Variants in FAM131A observed in about 807,000 individuals in gnomAD.
The protein encoded by FAM131A is protein FAM131A.
Under a neutral mutation model 39.2 loss-of-function variants are expected in FAM131A, and 24 were observed. The observed-to-expected ratio is 0.61, with a 90% confidence interval of 0.44 to 0.86. FAM131A has a LOEUF of 0.86. FAM131A is among the 40% of genes least tolerant of loss of function. The pLI, the probability that FAM131A is intolerant of heterozygous loss-of-function variation, is 0.00. For missense variants in FAM131A, 373 were observed against 481.2 expected (o/e 0.78, Z 2.10); for synonymous variants, 202 against 206.8 (o/e 0.98, Z 0.20).
In FAM131A at chr3:184,345,530, C is replaced by T. The variant is rs754798192; in HGVS notation, c.*560C>T. 1 of 703,126 alleles carries T rather than the reference C, an allele frequency of 1.4e-6. No individual in the cohort carries two copies. Among genetic ancestry groups the T allele is most frequent in the South Asian group, 1.5e-5 (1 of 67,600 alleles). 43.6% of individuals were successfully genotyped at this position (703,126 alleles called of 1,614,324 possible). A position where few individuals can be genotyped will look rare whatever the true frequency, so the allele number is the denominator to read the frequency against. On this transcript the variant is annotated 3_prime_UTR_variant, in exon 6 of 6. Coordinates refer to ENST00000383847, the MANE Select transcript of FAM131A (RefSeq NM_144635.5). ...TGGGCTCGTGCTGTGCTTCATTCAC[C>T]TCTCCATCGTCTCTAAATCTTCCTC...
chr3:184,340,415 G>A (rs1727322684), intron 2 of FAM131A: 1 of 141,474 alleles, frequency 7.1e-6, no homozygotes, highest in Non-Finnish European at 1.5e-5. Context: ...CCGCCTCCCG[G>A]GTCCTGGTTC....
rs1255741721 is a variant in FAM131A, at chr3:184,345,832, G to C, written c.*862G>C. 1.9e-6 allele frequency: 1 copy of C among 524,426 alleles called. No homozygotes were observed. The highest frequency in any genetic ancestry group is 3.3e-5 in the East Asian group (1 of 30,596). The allele number at this position is 524,426 out of a possible 1,614,324, so 32.5% of individuals were successfully genotyped here. On this transcript the variant is annotated 3_prime_UTR_variant, in exon 6 of 6. Coordinates refer to ENST00000383847, the MANE Select transcript of FAM131A (RefSeq NM_144635.5). Reference sequence around the variant, plus strand: ...AGCTGGGACTTCATGTTCTTCTAGAGAGGGCCACAAGAGGGCCACAGGGGT... The same window carrying C: ...AGCTGGGACTTCATGTTCTTCTAGACAGGGCCACAAGAGGGCCACAGGGGT...
At chr3:184,340,180 G>T (rs1472032849) in intron 2 of FAM131A, 2 of 151,582 alleles carry the variant, frequency 1.3e-5, no homozygotes, top group Non-Finnish European at 2.9e-5. Flanking sequence ...ATTTTTAGTG[G>T]AGATGGGGTT....
Position 184,344,939 on chromosome 3 carries a change from A to G in FAM131A, c.1070A>G (p.Asp357Gly), listed in dbSNP as rs1243814358. ...DLASSGVVSLDEDEAEPEEQ is the reference protein window; with the variant it reads ...DLASSGVVSLGEDEAEPEEQ Reference sequence around the variant, plus strand: ...GCCTCTTCTGGGGTGGTGTCCTTAGATGAGGATGAGGCAGAGCCAGAGGAA... The same window carrying G: ...GCCTCTTCTGGGGTGGTGTCCTTAGGTGAGGATGAGGCAGAGCCAGAGGAA... The change falls in exon 6 of 6, where the codon GAT becomes GGT. Residue 357 changes from aspartate to glycine, a missense_variant. Physicochemically the swap from Asp to Gly is moderately conservative, Grantham distance 94 (BLOSUM62 -1). Transcript: ENST00000383847. 1.1e-5 allele frequency: 17 copies of G among 1,592,638 alleles called. No homozygotes were observed. Among genetic ancestry groups the G allele is most frequent in the Non-Finnish European group, 1.4e-5 (16 of 1,174,018 alleles).
Position 184,338,495 on chromosome 3 carries a change from G to A in FAM131A, c.197G>A (p.Arg66His). 3 of 1,536,348 alleles carry A rather than the reference G, an allele frequency of 2.0e-6. No individual in the cohort carries two copies. The highest frequency in any genetic ancestry group is 2.4e-5 in the South Asian group (2 of 83,958). ...CTCCGAGGCTGGAGCAGGTCCTCCC[G>A]CCCTTCCTCGGTGGACAGTCAGGAC... is the stretch of plus-strand genomic sequence containing the variant. ...RTLRGWSRSS[R>H]PSSVDSQDLP... is the part of the protein sequence containing the mutation. The change falls in exon 2 of 6, where the codon CGC becomes CAC. Residue 66 changes from arginine (R) to histidine (H), a missense_variant. Transcript: ENST00000383847.
chr3:184,341,631 G>C, intron 2 of FAM131A, 93 bp from the exon 3 acceptor site: 6 of 1,006,048 alleles, frequency 6.0e-6, no homozygotes, highest in South Asian at 5.5e-5. Context: ...CCTAGCTCCT[G>C]TCTCCTCCTC....
Position 184,342,980 on chromosome 3 carries a change from T to G in FAM131A, c.625+120T>G. ...AGGGGAGGGAGAGGGACAGACTCAG[T>G]CCAGGCAGGCCTGGACACTCCAGGG... On this transcript the variant is annotated intron_variant, in intron 5 of 5. Transcript: ENST00000383847. This position sits in a 1 kb window ranked among gnomAD's most constrained non-coding sequence, Gnocchi z 4.6. The G allele has an allele frequency of 2.3e-6, 2 of 853,542 alleles. No homozygotes were observed. The highest frequency in any genetic ancestry group is 3.8e-6 in the Non-Finnish European group (2 of 519,868). 52.9% of individuals were successfully genotyped at this position (853,542 alleles called of 1,614,324 possible).
Position 184,342,795 on chromosome 3 carries a change from C to T in FAM131A, c.560C>T (p.Ser187Leu), listed in dbSNP as rs1341117106. The T allele has an allele frequency of 1.9e-6, 3 of 1,613,974 alleles. No individual in the cohort carries two copies. The highest frequency in any genetic ancestry group is 1.7e-5 in the Admixed American group (1 of 60,030). ...GAAGCCAAGCTCCGAGCATGGTCTT[C>T]GGTGGATGGCGAGGACTCCACTGAT... ...IAEAKLRAWS[S>L]VDGEDSTDDS... is the part of the protein sequence containing the mutation. The change falls in exon 5 of 6, where the codon TCG becomes TTG. Residue 187 changes from serine (S) to leucine (L), a missense_variant. Coordinates refer to ENST00000383847, the MANE Select transcript of FAM131A (RefSeq NM_144635.5). The surrounding 1 kb of genome is among the most constrained non-coding windows in gnomAD (Gnocchi z 4.6).
intron 2 of FAM131A, chr3:184,339,046 G>A (rs1264491889): frequency 6.4e-6 from 1 of 155,142 alleles, no homozygotes; most frequent in African/African-American, 2.4e-5. Context: ...CCCTTGTGAG[G>A]GACGGGAACG....
chr3:184,344,845 A>C lies in FAM131A; in HGVS notation c.976A>C (p.Lys326Gln). The part of the protein sequence containing the change: ...SPAEEEPAPC[K>Q]DCQPLCPPLT... ...CGCGGAGGAGGAGCCAGCCCCCTGC[A>C]AGGACTGCCAGCCACTCTGCCCACC... The change falls in exon 6 of 6, where the codon AAG becomes CAG. Residue 326 changes from lysine to glutamine, a missense_variant. Around this residue, in one of 2 missense-constraint regions of FAM131A, gnomAD observed 152 missense variants for 133.5 expected, o/e 1.14. Coordinates refer to ENST00000383847, the MANE Select transcript of FAM131A (RefSeq NM_144635.5). 1 of 1,611,068 alleles carries C rather than the reference A, an allele frequency of 6.2e-7. No homozygotes were observed. Among genetic ancestry groups the C allele is most frequent in the African/African-American group, 1.3e-5 (1 of 75,050 alleles).
rs1560243221 is a variant in FAM131A, at chr3:184,342,725, C to T, written c.509-19C>T. On this transcript the variant is annotated intron_variant, in intron 4 of 5. Coordinates refer to ENST00000383847, the MANE Select transcript of FAM131A (RefSeq NM_144635.5). This position sits in a 1 kb window ranked among gnomAD's most constrained non-coding sequence, Gnocchi z 4.6. ...ACTTAGCTCACCTTCTCTGCTTATG[C>T]ATTCTGTCCCTGCGACAGGAGTGGC... 6.2e-7 allele frequency: 1 copy of T among 1,603,558 alleles called. No individual in the cohort carries two copies. The highest frequency in any genetic ancestry group is 8.5e-7 in the Non-Finnish European group (1 of 1,171,600).
chr3:184,344,594 G>A lies in FAM131A; in HGVS notation c.725G>A (p.Ser242Asn), dbSNP rs963455554. The A allele has an allele frequency of 6.8e-6, 11 of 1,612,278 alleles. No individual in the cohort carries two copies. The highest frequency in any genetic ancestry group is 5.9e-6 in the Non-Finnish European group (7 of 1,179,362). The change falls in exon 6 of 6, where the codon AGC (serine) becomes AAC (asparagine). Residue 242 changes from serine to asparagine, a missense_variant. Around this residue, in one of 2 missense-constraint regions of FAM131A, gnomAD observed 221 missense variants for 347.7 expected, o/e 0.64. Coordinates refer to ENST00000383847, the MANE Select transcript of FAM131A (RefSeq NM_144635.5). ...PVRQGSVEPE[S>N]DCSQTVSPDT... is the part of the protein sequence containing the mutation. ...CGCCAGGGCTCCGTGGAGCCTGAGA[G>A]CGACTGCTCACAGACCGTGTCCCCA...
Position 184,346,179 on chromosome 3 carries a change from C to T in FAM131A, c.*1209C>T, listed in dbSNP as rs1404687869. On this transcript the variant is annotated 3_prime_UTR_variant, in exon 6 of 6. Coordinates refer to ENST00000383847, the MANE Select transcript of FAM131A (RefSeq NM_144635.5). This position sits in a 1 kb window ranked among gnomAD's most constrained non-coding sequence, Gnocchi z 6.0. ...AGGTAAGAACGAGAGCCAACGGGCA[C>T]AAGCATTCTATATATAAGTGGCTCA... The T allele has an allele frequency of 5.0e-6, 1 of 198,530 alleles. No individual in the cohort carries two copies. The highest frequency in any genetic ancestry group is 1.2e-4 in the East Asian group (1 of 8,368). 12.3% of individuals were successfully genotyped at this position (198,530 alleles called of 1,614,324 possible).
rs1370645504 is a variant in FAM131A at position 184,338,418 on chromosome 3, G to T, written c.120G>T (p.Trp40Cys). Residue 40 changes from tryptophan (W) to cysteine (C), a missense_variant, in exon 2 of 6, where the codon TGG becomes TGT. Transcript: ENST00000383847. Reference sequence around the variant, plus strand: ...CGGACCCCGCTTGGGCTGTGGAGTGGATCGAACTTCCTCGGGGTCTCTCTC... The same window carrying T: ...CGGACCCCGCTTGGGCTGTGGAGTGTATCGAACTTCCTCGGGGTCTCTCTC... ...VSSDPAWAVEWIELPRGLSLS... is the reference protein window; with the variant it reads ...VSSDPAWAVECIELPRGLSLS... The T allele has an allele frequency of 8.8e-6, 13 of 1,485,118 alleles. No homozygotes were observed. The highest frequency in any genetic ancestry group is 1.4e-5 in the African/African-American group (1 of 70,876). 92.0% of individuals were successfully genotyped at this position (1,485,118 alleles called of 1,614,324 possible). A position where few individuals can be genotyped will look rare whatever the true frequency, so the allele number is the denominator to read the frequency against.
chr3:184,344,267 G>A (rs1727509962), intron 5 of FAM131A, among the ~76,000 whole-genome samples: 2 of 152,194 alleles, frequency 1.3e-5, no homozygotes, highest in South Asian at 2.1e-4. Flanking sequence ...TTACAGGCGT[G>A]AGCCACCGCA....
At chr3:184,337,391 G>C (rs1727167820), upstream of FAM131A, 3 of 509,504 alleles carry the variant, frequency 5.9e-6, no homozygotes, top group South Asian at 8.0e-5. Context: ...GATGTACATT[G>C]CCTGTTGGCA....
At position 184,345,920 on chromosome 3, in the gene FAM131A, T is replaced by G. The variant is rs891502365; in HGVS notation, c.*950T>G. 2.8e-6 allele frequency: 1 copy of G among 355,142 alleles called. No individual in the cohort carries two copies. Among genetic ancestry groups the G allele is most frequent in the African/African-American group, 2.1e-5 (1 of 46,922 alleles). 22.0% of individuals were successfully genotyped at this position (355,142 alleles called of 1,614,324 possible). A position where few individuals can be genotyped will look rare whatever the true frequency, so the allele number is the denominator to read the frequency against. On this transcript the variant is annotated 3_prime_UTR_variant, in exon 6 of 6. Coordinates refer to ENST00000383847, the MANE Select transcript of FAM131A (RefSeq NM_144635.5). ...GAATTGTGCCAGTGAGTGACAGTCA[T>G]GAGGGAGTGTCTCTTCTTGGGGAGG...
chr3:184,343,145 C>T (rs1444653733), intron 5 of FAM131A: 2 of 226,606 alleles, frequency 8.8e-6, no homozygotes, highest in Non-Finnish European at 1.7e-5. Context: ...AAAAAAAAAG[C>T]CGAAAGACCT....
At position 184,338,671 on chromosome 3, in the gene FAM131A, C is replaced by G. The variant is rs1057437992; in HGVS notation, c.231+142C>G. On this transcript the variant is annotated intron_variant, in intron 2 of 5. Transcript: ENST00000383847. ...GCTATCCGGCGGCGGGCCGGGAGGC[C>G]GCCCCCGTGCCGGTCTGCTCTGCTC... The G allele has an allele frequency of 3.6e-6, 4 of 1,107,250 alleles. No homozygotes were observed. The African/African-American group carries it at 4.8e-5, about 13-fold the overall frequency. 68.6% of individuals were successfully genotyped at this position (1,107,250 alleles called of 1,614,324 possible). A position where few individuals can be genotyped will look rare whatever the true frequency, so the allele number is the denominator to read the frequency against.
Sources: gnomAD v4.1 joint callset for allele counts (sites outside exome capture counted in the v4.1 genomes callset) on GRCh38, gnomAD v4.1.1 for gene constraint, gnomAD v4.1.1 regional missense constraint, Gnocchi (gnomAD v3.1) non-coding constraint, MANE v1.5 for transcripts, NCBI Gene and HGNC (gene_info 2026-07-23, HGNC 2026-07-21) for gene names.